SFI1: variants seen among roughly 807,000 people sequenced by gnomAD.
SFI1 encodes protein SFI1 homolog.
A neutral mutation model predicts 207.5 loss-of-function variants in SFI1; 195 were observed. The observed-to-expected ratio is 0.94, with a 90% CI of 0.84 to 1.06. The LOEUF (loss-of-function observed/expected upper bound fraction) is 1.06. SFI1 is among the 50% of genes least tolerant of loss of function. SFI1 has a pLI of 0.00. For missense variants in SFI1, 1,634 were observed against 1,588.0 expected, an observed-to-expected ratio of 1.03 and a Z score of -0.49; for synonymous variants, 630 against 598.9, an observed-to-expected ratio of 1.05 and a Z score of -0.76.
intron 8 of SFI1, among the ~76,000 whole-genome samples, chr22:31,569,831 C>T (rs1026052165): frequency 2.0e-5 from 3 of 151,880 alleles, no homozygotes; most frequent in African/African-American, 7.3e-5. Flanking sequence ...TGTCTGTAGT[C>T]CCAGCTACTC....
In SFI1 at chr22:31,618,426, G is replaced by A. The variant is rs761473387; in HGVS notation, c.*8G>A. ...CGGCAGGCCCTGTGCTAGCGTGTTC[G>A]CACCAGGAACGCAGGTGCTGGGCTG... is the stretch of plus-strand genomic sequence containing the variant. On this transcript the variant is annotated 3_prime_UTR_variant, in exon 33 of 33. Coordinates refer to ENST00000400288, the MANE Select transcript of SFI1 (RefSeq NM_001007467.3). The A allele has an allele frequency of 1.1e-4, 165 of 1,556,844 alleles. No individual in the cohort carries two copies. The highest frequency in any genetic ancestry group is 9.1e-5 in the Non-Finnish European group (105 of 1,147,570).
Position 31,578,386 on chromosome 22 carries a change from G to A in SFI1, c.1089G>A (p.Met363Ile). The change falls in exon 11 of 33, where the codon ATG becomes ATA. Residue 363 changes from methionine to isoleucine, a missense_variant. Met to Ile is a conservative substitution (Grantham distance 10). Transcript: ENST00000400288. ...RRAFTHWKHY[M>I]LLCAEEAAQF... Reference sequence around the variant, plus strand: ...GAGGCCTTCACTTCCTGGCAGACATGCTGCTGTGTGCAGAAGAAGCTGCCC... The same window carrying A: ...GAGGCCTTCACTTCCTGGCAGACATACTGCTGTGTGCAGAAGAAGCTGCCC... 3 of 1,613,374 alleles carry A rather than the reference G, an allele frequency of 1.9e-6. No homozygotes were observed. Among genetic ancestry groups the A allele is most frequent in the Non-Finnish European group, 2.5e-6 (3 of 1,179,514 alleles).
intron 18 of SFI1, among the ~76,000 whole-genome samples, 164 bp from the exon 19 acceptor site, chr22:31,604,145 C>T (rs906692224): frequency 2.0e-5 from 3 of 152,214 alleles, no homozygotes; most frequent in African/African-American, 7.2e-5. Flanking sequence ...CAAGCACTTA[C>T]CTCATCAAAT....
intron 4 of SFI1, among the ~76,000 whole-genome samples, chr22:31,536,457 G>A (rs986086938): frequency 1.3e-5 from 2 of 152,166 alleles, no homozygotes; most frequent in Non-Finnish European, 2.9e-5. Flanking sequence ...TGTTGCCCAG[G>A]CTGGAGTGCG....
At chr22:31,551,217 T>C (rs1342667537) in intron 6 of SFI1, among the ~76,000 whole-genome samples, 3 of 152,204 alleles carry the variant, frequency 2.0e-5, no homozygotes, top group Non-Finnish European at 2.9e-5. Context: ...GATAAGATCA[T>C]GACACTCCTT....
chr22:31,580,542 C>CTTTTTTTTTTTTTTTT (rs11347645), intron 12 of SFI1, among the ~76,000 whole-genome samples, 178 bp downstream of exon 12: 2 of 117,282 alleles, frequency 1.7e-5, no homozygotes, highest in African/African-American at 3.2e-5. Context: ...CTTTTCTTTT[C>CTTTTTTTTTTTTTTTT]TTTTTTTTTT....
intron 1 of SFI1, among the ~76,000 whole-genome samples, chr22:31,502,271 T>C (rs117819331): frequency 1.3e-5 from 2 of 152,308 alleles, no homozygotes; most frequent in East Asian, 1.9e-4. Context: ...GGTCTCCTTA[T>C]ACATCATTTT....
intron 27 of SFI1, chr22:31,614,441 G>T: frequency 2.2e-6 from 1 of 448,164 alleles, no homozygotes; most frequent in Non-Finnish European, 4.3e-6. Context: ...CCTGGGTCCC[G>T]GTCCCTGCTG....
rs1463005648 is a variant in SFI1, at chr22:31,613,657, A to C, written c.2798A>C (p.Lys933Thr). The change falls in exon 27 of 33, where the codon AAA becomes ACA. Residue 933 changes from lysine (K) to threonine (T), a missense_variant. Coordinates refer to ENST00000400288, the MANE Select transcript of SFI1 (RefSeq NM_001007467.3). ...VRRCATLWKQ[K>T]VLGRGGKPQP... The stretch of plus-strand genomic sequence containing the variant: ...CGCTGTGCCACGCTCTGGAAACAGA[A>C]AGTGCTGGGCCGGGGCGGGAAGCCT... The C allele has an allele frequency of 6.2e-7, 1 of 1,605,766 alleles. No individual in the cohort carries two copies. Among genetic ancestry groups the C allele is most frequent in the African/African-American group, 1.3e-5 (1 of 74,772 alleles).
At chr22:31,614,146 G>T (rs915873252) in intron 27 of SFI1, 4 of 434,578 alleles carry the variant, frequency 9.2e-6, no homozygotes, top group Non-Finnish European at 1.7e-5. Flanking sequence ...CTGCTGACAC[G>T]ATCTTTTCCG....
chr22:31,540,586 T>A (rs1279035109), intron 4 of SFI1, among the ~76,000 whole-genome samples: 1 of 150,654 alleles, frequency 6.6e-6, no homozygotes, highest in East Asian at 1.9e-4. Context: ...AGCCTACATT[T>A]TTTTTTTTTT....
intron 24 of SFI1, chr22:31,612,066 A>C: frequency 7.7e-7 from 1 of 1,292,540 alleles, no homozygotes; most frequent in Non-Finnish European, 9.9e-7. Context: ...TTCTCTCTCT[A>C]CAGTGTTGTA....
At chr22:31,614,940 G>C in intron 28 of SFI1, 80 bp downstream of exon 28, 1 of 1,583,594 alleles carries the variant, frequency 6.3e-7, no homozygotes, top group Non-Finnish European at 8.6e-7. Flanking sequence ...TCCATGTGGG[G>C]CCTGTGTTTT....
chr22:31,590,975 A>ATTTT (rs997391866), intron 15 of SFI1, among the ~76,000 whole-genome samples: 36 of 137,330 alleles, frequency 2.6e-4, no homozygotes, highest in East Asian at 6.2e-4. Flanking sequence ...TTATTTATTT[A>ATTTT]TTTATTTTTT....
chr22:31,529,694 AGAG>A (rs1278308606), intron 3 of SFI1, among the ~76,000 whole-genome samples: 2 of 152,194 alleles, frequency 1.3e-5, no homozygotes, highest in African/African-American at 2.4e-5. Flanking sequence ...TAGTGCAATG[AGAG>A]GAGAAGGATG....
chr22:31,502,562 C>T (rs184363181), intron 1 of SFI1, among the ~76,000 whole-genome samples: 225 of 151,898 alleles, frequency 1.5e-3, no homozygotes, highest in Middle Eastern at 0.01. Context: ...TTATTAGAGA[C>T]GGGGTTTCAC....
intron 10 of SFI1, 40 bp from the exon 11 acceptor site, chr22:31,578,342 C>G (rs1272755375): frequency 1.2e-6 from 2 of 1,602,150 alleles, no homozygotes; most frequent in East Asian, 4.5e-5. Context: ...GTGTAGGGGT[C>G]AGAACCTTGT....
intron 2 of SFI1, among the ~76,000 whole-genome samples, chr22:31,515,319 T>C (rs1441723873): frequency 1.1e-5 from 1 of 88,600 alleles, no homozygotes; most frequent in Non-Finnish European, 2.5e-5. Context: ...GTCTCATTGT[T>C]CGTGTGTGTG....
At position 31,535,622 on chromosome 22, in the gene SFI1, C is replaced by CCTGCCT. The variant is rs766663276; in HGVS notation, c.338+4501_338+4506dup. Among the ~76,000 whole-genome samples the CCTGCCT allele has an allele frequency of 2.0e-5, 3 of 151,974 alleles. No homozygotes were observed. In the East Asian group the frequency reaches 5.8e-4, roughly 29 times the overall value. On this transcript the variant is annotated intron_variant, in intron 4 of 32. Coordinates refer to ENST00000400288, the MANE Select transcript of SFI1 (RefSeq NM_001007467.3). ...AGATTCAAGCAATTCTACTGCCTCT[C>CCTGCCT]CTGCCTCTGCCTCAGCCTCCCAAGT...
Sources: allele counts gnomAD v4.1 joint callset (sites outside exome capture counted in the v4.1 genomes callset), GRCh38; gene constraint gnomAD v4.1.1; transcripts MANE v1.5; gene names NCBI Gene and HGNC (gene_info 2026-07-23, HGNC 2026-07-21).